WWOX: variants seen among roughly 807,000 people sequenced by gnomAD.
WWOX encodes the protein WW domain containing oxidoreductase.
WWOX carries 69 observed loss-of-function variants against 46.2 expected under a neutral mutation model. The ratio of observed to expected loss-of-function variants is 1.49; its 90% confidence interval spans 1.23 to 1.82. The LOEUF (loss-of-function observed/expected upper bound fraction) is 1.82. Among genes scored for constraint, WWOX ranks in the 40% most tolerant of loss-of-function variants. WWOX has a pLI of 0.00. For synonymous variants in WWOX, 359 were observed against 202.6 expected (o/e 1.77, Z -6.56); for missense variants, 919 against 542.6 (o/e 1.69, Z -6.89).
intron 5 of WWOX, among the ~76,000 whole-genome samples, chr16:78,181,076 TGTC>T (rs2035518219): frequency 1.3e-5 from 2 of 152,098 alleles, no homozygotes; most frequent in African/African-American, 4.8e-5. Flanking sequence ...TCCTGAAGCC[TGTC>T]GAGATAAATG....
At chr16:78,444,710 T>G (rs2083518838) in intron 8 of WWOX, among the ~76,000 whole-genome samples, 1 of 151,866 alleles carries the variant, frequency 6.6e-6, no homozygotes, top group South Asian at 2.1e-4. Context: ...TTTTGTATTC[T>G]TAGTAGAGAC....
At chr16:78,812,897 A>C (rs148674184) in intron 8 of WWOX, among the ~76,000 whole-genome samples, 2 of 152,194 alleles carry the variant, frequency 1.3e-5, no homozygotes, top group East Asian at 3.8e-4. Context: ...AAACACATAT[A>C]TTTTTAAAAG....
intron 8 of WWOX, among the ~76,000 whole-genome samples, chr16:79,138,519 C>A (rs561409290): frequency 6.6e-6 from 1 of 152,184 alleles, no homozygotes; most frequent in Admixed American, 6.5e-5. Flanking sequence ...GTGCCATAGA[C>A]AGGTTAGAGA....
intron 8 of WWOX, among the ~76,000 whole-genome samples, chr16:79,194,728 C>G (rs1387128225): frequency 6.6e-6 from 1 of 152,186 alleles, no homozygotes; most frequent in East Asian, 1.9e-4. Context: ...ATCTGCTTTC[C>G]ATCGTCCAAA....
At chr16:78,894,343 C>G (rs2044655469) in intron 8 of WWOX, among the ~76,000 whole-genome samples, 1 of 152,156 alleles carries the variant, frequency 6.6e-6, no homozygotes, top group African/African-American at 2.4e-5. Flanking sequence ...TTGCTTCTCT[C>G]CAGCACAGCA....
chr16:79,043,235 G>C (rs1341167588), intron 8 of WWOX, among the ~76,000 whole-genome samples: 1 of 152,102 alleles, frequency 6.6e-6, no homozygotes, highest in Non-Finnish European at 1.5e-5. Flanking sequence ...TGTTTCCTGT[G>C]AGGGTGCCAG....
At chr16:78,441,007 A>G (rs776501174) in intron 8 of WWOX, among the ~76,000 whole-genome samples, 3 of 151,928 alleles carry the variant, frequency 2.0e-5, no homozygotes, top group South Asian at 2.1e-4. Context: ...CAGTGGTGCA[A>G]TCTTGGCTCA....
intron 8 of WWOX, among the ~76,000 whole-genome samples, chr16:78,459,645 G>C (rs560892100): frequency 6.6e-6 from 1 of 152,298 alleles, no homozygotes; most frequent in Admixed American, 6.5e-5. Context: ...CATTATTATA[G>C]ATTGCTGATG....
At chr16:78,603,771 T>C (rs2045680114) in intron 8 of WWOX, among the ~76,000 whole-genome samples, 1 of 152,166 alleles carries the variant, frequency 6.6e-6, no homozygotes, top group Non-Finnish European at 1.5e-5. Flanking sequence ...GTTTCTTATC[T>C]AGTTGGAACA....
At chr16:78,359,771 G>T (rs943763106) in intron 5 of WWOX, among the ~76,000 whole-genome samples, 3 of 152,150 alleles carry the variant, frequency 2.0e-5, no homozygotes, top group Non-Finnish European at 4.4e-5. Context: ...CTCATAATTC[G>T]GTGTGAGAAA....
At chr16:78,903,791 C>G (rs944307943) in intron 8 of WWOX, among the ~76,000 whole-genome samples, 2 of 152,148 alleles carry the variant, frequency 1.3e-5, no homozygotes, top group Non-Finnish European at 2.9e-5. Context: ...CTTTCTAGCT[C>G]AATCATGCTG....
intron 8 of WWOX, among the ~76,000 whole-genome samples, chr16:78,856,359 C>A (rs942005827): frequency 6.6e-6 from 1 of 152,130 alleles, no homozygotes; most frequent in African/African-American, 2.4e-5. Flanking sequence ...TTGAATAGAT[C>A]TAGCCTGGCA....
intron 8 of WWOX, among the ~76,000 whole-genome samples, chr16:78,486,467 G>A (rs1203787487): frequency 6.6e-6 from 1 of 152,166 alleles, no homozygotes; most frequent in African/African-American, 2.4e-5. Flanking sequence ...CCAACAACTA[G>A]GTCTTAAAGT....
chr16:79,119,906 G>A (rs1382342908), intron 8 of WWOX, among the ~76,000 whole-genome samples: 1 of 152,196 alleles, frequency 6.6e-6, no homozygotes, highest in East Asian at 1.9e-4. Flanking sequence ...AGTGGCAGTG[G>A]GCTGGGCAGG....
Position 79,074,068 on chromosome 16 carries a change from T to G in WWOX, c.1057-137540T>G, listed in dbSNP as rs78958382. On this transcript the variant is annotated intron_variant, in intron 8 of 8. Transcript: ENST00000566780. ...CAATACAGTACTTCTGCTACGAGTG[T>G]ATACAGGCTGAGGATGGGTGCTTTG... Among the ~76,000 whole-genome samples the G allele has an allele frequency of 6.0e-3, 912 of 152,186 alleles. 11 individuals are homozygous for G. The highest frequency in any genetic ancestry group is 0.02 in the African/African-American group (832 of 41,524).
rs71140808 is a variant in WWOX at position 78,527,991 on chromosome 16, C to CTTTTTTTTTTTTTT, written c.1056+95251_1056+95264dup. Reference sequence around the variant, plus strand: ...CTATGTCACAGGACTGGTACATGTCCTTTTTTTTTTTTTTTTTTTTTTTTT... The same window carrying CTTTTTTTTTTTTTT: ...CTATGTCACAGGACTGGTACATGTCCTTTTTTTTTTTTTTTTTTTTTTTTTTTTTTTTTTTTTTT... On this transcript the variant is annotated intron_variant, in intron 8 of 8. Coordinates refer to ENST00000566780, the MANE Select transcript of WWOX (RefSeq NM_016373.4). Among the ~76,000 whole-genome samples the CTTTTTTTTTTTTTT allele has an allele frequency of 5.9e-3, 206 of 34,862 alleles. 35 individuals carry two copies. Among genetic ancestry groups the CTTTTTTTTTTTTTT allele is most frequent in the East Asian group, 6.8e-3 (7 of 1,024 alleles). 22.9% of individuals were successfully genotyped at this position (34,862 alleles called of 152,430 possible).
At chr16:78,112,206 T>C (rs2032531968) in intron 3 of WWOX, among the ~76,000 whole-genome samples, 1 of 152,250 alleles carries the variant, frequency 6.6e-6, no homozygotes, top group African/African-American at 2.4e-5. Context: ...ATCTGATTGC[T>C]ACATCATTTG....
At chr16:78,504,518 A>G (rs1366312856) in intron 8 of WWOX, among the ~76,000 whole-genome samples, 1 of 152,200 alleles carries the variant, frequency 6.6e-6, no homozygotes, top group Non-Finnish European at 1.5e-5. Flanking sequence ...TGGCATGGAA[A>G]GTACATTGCT....
chr16:78,197,816 G>A (rs1318466611), intron 5 of WWOX, among the ~76,000 whole-genome samples: 2 of 152,130 alleles, frequency 1.3e-5, no homozygotes, highest in East Asian at 1.9e-4. Context: ...CGACTTGCCC[G>A]AGGCCACGCT....
Sources: gnomAD v4.1 joint callset for allele counts (sites outside exome capture counted in the v4.1 genomes callset) on GRCh38, gnomAD v4.1.1 for gene constraint, MANE v1.5 for transcripts, NCBI Gene and HGNC (gene_info 2026-07-23, HGNC 2026-07-21) for gene names.